RSBN1L: variants seen among roughly 807,000 people sequenced by gnomAD.
RSBN1L encodes the protein round spermatid basic protein 1 like, also known as lysine-specific demethylase RSBN1L.
In RSBN1L, 30 loss-of-function variants were observed where a neutral mutation model predicts 67.7. That is an observed-to-expected ratio of 0.44 (90% CI 0.33 to 0.60). The LOEUF is 0.60. RSBN1L is among the 20% of genes least tolerant of loss of function. RSBN1L has a pLI of 0.02. For missense variants in RSBN1L, 992 were observed against 1,031.7 expected (o/e 0.96, Z 0.53); for synonymous variants, 433 against 387.0 (o/e 1.12, Z -1.39).
intron 1 of RSBN1L, among the ~76,000 whole-genome samples, chr7:77,709,192 G>GTA (rs1562793932): frequency 0.024 from 3,026 of 128,148 alleles, 67 homozygotes; most frequent in African/African-American, 0.066. Context: ...GTGTGTGTGT[G>GTA]TGTGTATGTA....
chr7:77,698,834 G>T (rs1228425878), intron 1 of RSBN1L, among the ~76,000 whole-genome samples: 1 of 151,900 alleles, frequency 6.6e-6, no homozygotes, highest in Non-Finnish European at 1.5e-5. Context: ...ATGCTATCTT[G>T]TTGAGGAAAA....
chr7:77,724,039 A>G (rs1791158878), intron 1 of RSBN1L, among the ~76,000 whole-genome samples: 1 of 152,176 alleles, frequency 6.6e-6, no homozygotes, highest in African/African-American at 2.4e-5. Context: ...TGGCCTCCCA[A>G]AGTGCTAGGA....
At chr7:77,706,264 G>A (rs1426944310) in intron 1 of RSBN1L, among the ~76,000 whole-genome samples, 1 of 152,074 alleles carries the variant, frequency 6.6e-6, no homozygotes, top group African/African-American at 2.4e-5. Flanking sequence ...TTTTAGTAGA[G>A]ATGGGGTTTC....
At chr7:77,724,858 T>C (rs1193337938) in intron 1 of RSBN1L, among the ~76,000 whole-genome samples, 1 of 151,790 alleles carries the variant, frequency 6.6e-6, no homozygotes. Flanking sequence ...TTTTTTTTTT[T>C]TGAGACGGAG....
At position 77,763,731 on chromosome 7, in the gene RSBN1L, T is replaced by C. The variant is rs137916477; in HGVS notation, c.1345-1764T>C. 3.1e-3 allele frequency among the ~76,000 whole-genome samples: 472 copies of C among 152,270 alleles called. 1 individual carries two copies. Among genetic ancestry groups the C allele is most frequent in the African/African-American group, 0.011 (442 of 41,556 alleles). On this transcript the variant is annotated intron_variant, in intron 3 of 7. Coordinates refer to ENST00000334955, the MANE Select transcript of RSBN1L (RefSeq NM_198467.3). ...TTTTTGAGACAGGATCTCGCTCTGTTGCCCAGGCTGGAGTGCAGTGGCCTG... is the reference window on the plus strand; with the variant it reads ...TTTTTGAGACAGGATCTCGCTCTGTCGCCCAGGCTGGAGTGCAGTGGCCTG...
chr7:77,721,850 A>G (rs768444002), intron 1 of RSBN1L, among the ~76,000 whole-genome samples: 9 of 152,334 alleles, frequency 5.9e-5, no homozygotes, highest in African/African-American at 1.7e-4. Context: ...AGATAGTGAC[A>G]TGGTAAACTA....
chr7:77,708,075 GT>G (rs1410622377), intron 1 of RSBN1L, among the ~76,000 whole-genome samples: 2 of 152,138 alleles, frequency 1.3e-5, no homozygotes, highest in African/African-American at 4.8e-5. Context: ...TGCAAACTTT[GT>G]TAAATTTGTT....
chr7:77,696,626 C>G lies in RSBN1L; in HGVS notation c.157C>G (p.Pro53Ala). ...GGTCCGGACTGAGGAGAAGAAGGCA[C>G]CGCGGAGAGTGAACGGAGAAGGGGG... ...KKVRTEEKKA[P>A]RRVNGEGGSG... The change falls in exon 1 of 8, where the codon CCG (proline) becomes GCG (alanine). Residue 53 changes from proline to alanine, a missense_variant. Around this residue, in one of 7 missense-constraint regions of RSBN1L, gnomAD observed 575 missense variants for 483.2 expected, o/e 1.19. Coordinates refer to ENST00000334955, the MANE Select transcript of RSBN1L (RefSeq NM_198467.3). 1.7e-5 allele frequency: 28 copies of G among 1,614,032 alleles called. No individual in the cohort carries two copies. Among genetic ancestry groups the G allele is most frequent in the Non-Finnish European group, 2.4e-5 (28 of 1,179,950 alleles).
chr7:77,725,941 T>C (rs1214239126), intron 1 of RSBN1L, among the ~76,000 whole-genome samples: 1 of 152,006 alleles, frequency 6.6e-6, no homozygotes, highest in Non-Finnish European at 1.5e-5. Flanking sequence ...CCTTTTTCTG[T>C]AACCTGCTTT....
At chr7:77,705,813 A>G (rs1409335563) in intron 1 of RSBN1L, among the ~76,000 whole-genome samples, 2 of 151,982 alleles carry the variant, frequency 1.3e-5, no homozygotes, top group Non-Finnish European at 2.9e-5. Flanking sequence ...GTAATGGTTC[A>G]TTTTTATATT....
At chr7:77,765,750 G>A in intron 4 of RSBN1L, 118 bp downstream of exon 4, 1 of 724,968 alleles carries the variant, frequency 1.4e-6, no homozygotes, top group East Asian at 2.8e-5. Context: ...TAAATGAATG[G>A]CTGTTTCAGA....
At chr7:77,708,537 G>A (rs1274548704) in intron 1 of RSBN1L, among the ~76,000 whole-genome samples, 10 of 151,920 alleles carry the variant, frequency 6.6e-5, no homozygotes, top group Non-Finnish European at 5.9e-5. Flanking sequence ...GTCCGCCACC[G>A]CGCCTGGCTC....
chr7:77,776,393 A>T (rs1791914924), intron 6 of RSBN1L, among the ~76,000 whole-genome samples: 1 of 152,188 alleles, frequency 6.6e-6, no homozygotes, highest in Non-Finnish European at 1.5e-5. Context: ...CTCAGAAAGG[A>T]ACTACACCTT....
At chr7:77,726,776 AT>A (rs35354992) in intron 1 of RSBN1L, among the ~76,000 whole-genome samples, 80 of 112,284 alleles carry the variant, frequency 7.1e-4, no homozygotes, top group East Asian at 1.2e-3. Context: ...CACCCAGCTA[AT>A]TTTTTTTTTT....
intron 3 of RSBN1L, among the ~76,000 whole-genome samples, chr7:77,759,921 G>T (rs189250669): frequency 7.2e-5 from 11 of 152,276 alleles, no homozygotes; most frequent in Admixed American, 3.9e-4. Context: ...AAACAAGAAG[G>T]GTTTTCCAAA....
chr7:77,773,378 A>C (rs573680609), intron 6 of RSBN1L, 64 bp downstream of exon 6: 694 of 1,187,224 alleles, frequency 5.8e-4, no homozygotes, highest in South Asian at 2.9e-3. Context: ...TTCTTGGAAA[A>C]TCTTAGTAAT....
intron 1 of RSBN1L, among the ~76,000 whole-genome samples, chr7:77,713,367 T>C (rs1037021771): frequency 2.0e-5 from 3 of 151,968 alleles, no homozygotes; most frequent in African/African-American, 7.2e-5. Context: ...CCTTTTTTTT[T>C]TTCCTTTGAG....
intron 1 of RSBN1L, among the ~76,000 whole-genome samples, chr7:77,718,918 C>G (rs764880888): frequency 6.6e-6 from 1 of 152,186 alleles, no homozygotes; most frequent in Non-Finnish European, 1.5e-5. Flanking sequence ...TGACTTTACT[C>G]ACGTGCCTGT....
In RSBN1L at chr7:77,779,334, C is replaced by T. The variant is rs188584573; in HGVS notation, c.*166C>T. Reference sequence around the variant, plus strand: ...CTGTCCATAACTGTGAAGTATTAAGCACTTAGGGCCAGATGCACTGTAAAC... The same window carrying T: ...CTGTCCATAACTGTGAAGTATTAAGTACTTAGGGCCAGATGCACTGTAAAC... On this transcript the variant is annotated 3_prime_UTR_variant, in exon 8 of 8. Coordinates refer to ENST00000334955, the MANE Select transcript of RSBN1L (RefSeq NM_198467.3). The T allele has an allele frequency of 1.4e-3, 777 of 560,728 alleles. 4 individuals carry two copies. The highest frequency in any genetic ancestry group is 9.8e-3 in the African/African-American group (511 of 52,080). 34.7% of individuals were successfully genotyped at this position (560,728 alleles called of 1,614,324 possible).
Sources: gnomAD v4.1 joint callset for allele counts (sites outside exome capture counted in the v4.1 genomes callset) on GRCh38, gnomAD v4.1.1 for gene constraint, gnomAD v4.1.1 regional missense constraint, MANE v1.5 for transcripts, NCBI Gene and HGNC (gene_info 2026-07-23, HGNC 2026-07-21) for gene names.